The following DET1 variants were observed in gnomAD, a reference collection of about 807,000 sequenced individuals.
The protein encoded by DET1 is DET1 partner of COP1 E3 ubiquitin ligase, also known as DET1 homolog.
DET1 carries 22 observed loss-of-function variants against 43.7 expected under a neutral mutation model. That is an observed-to-expected ratio of 0.50 (90% CI 0.36 to 0.72). The LOEUF (loss-of-function observed/expected upper bound fraction) is 0.72. Among genes scored for constraint, DET1 ranks in the 30% least tolerant of loss-of-function variants. The pLI, the probability that DET1 is intolerant of heterozygous loss-of-function variation, is 0.00. For missense variants in DET1, 713 were observed against 713.3 expected (o/e 1.00, Z 0.00); for synonymous variants, 315 against 266.2 (o/e 1.18, Z -1.79).
chr15:88,518,297 C>T (rs1282339528), intron 3 of DET1, among the ~76,000 whole-genome samples: 3 of 151,964 alleles, frequency 2.0e-5, no homozygotes, highest in African/African-American at 7.3e-5. Context: ...GGAAATTTAC[C>T]CTAAGGAATC....
chr15:88,533,725 G>A (rs762219209), intron 1 of DET1, among the ~76,000 whole-genome samples: 8 of 151,478 alleles, frequency 5.3e-5, no homozygotes, highest in South Asian at 4.2e-4. Context: ...AGTATCAAAC[G>A]TAATCAAATT....
At chr15:88,526,171 CTATCTG>C (rs1274432359) in intron 3 of DET1, among the ~76,000 whole-genome samples, 1 of 152,246 alleles carries the variant, frequency 6.6e-6, no homozygotes, top group Non-Finnish European at 1.5e-5. Context: ...CAATAGCCAT[CTATCTG>C]TAATTGAGTA....
At chr15:88,523,650 G>A (rs934397319) in intron 3 of DET1, among the ~76,000 whole-genome samples, 6 of 152,296 alleles carry the variant, frequency 3.9e-5, no homozygotes, top group South Asian at 2.1e-4. Flanking sequence ...TGTGTTGGCC[G>A]GGCTGGTCTC....
chr15:88,533,757 C>T lies in DET1; in HGVS notation c.-10-2042G>A, dbSNP rs184191322. Among the ~76,000 whole-genome samples the T allele has an allele frequency of 2.6e-4, 39 of 147,682 alleles. No individual in the cohort carries two copies. The East Asian group carries it at 2.8e-3, about 11-fold the overall frequency. On this transcript the variant is annotated intron_variant, in intron 1 of 4. Coordinates refer to ENST00000268148, the MANE Select transcript of DET1 (RefSeq NM_001144074.3). ...AATTTAACAGCCAGGTGCCATAGCA[C>T]ACACCTGTAATCCCAGCTACTTGGG... is the stretch of plus-strand genomic sequence containing the variant.
chr15:88,512,981 G>C lies in DET1; in HGVS notation c.1623C>G (p.Val541=). ...SVQRTNAEYV[V]NFHMRHCCT is the part of the protein sequence containing the mutation. The stretch of plus-strand genomic sequence containing the variant: ...TGCAGCAGTGTCGCATATGGAAGTT[G>C]ACAACATACTCAGCATTAGTCCTCT... The change falls in exon 5 of 5, where the codon GTC becomes GTG. Residue 541 remains valine (V), a synonymous_variant. Transcript: ENST00000268148. 6.2e-7 allele frequency: 1 copy of C among 1,614,038 alleles called. No individual in the cohort carries two copies. Among genetic ancestry groups the C allele is most frequent in the Non-Finnish European group, 8.5e-7 (1 of 1,179,894 alleles).
At chr15:88,511,480 C>A, downstream of DET1, 2 of 985,458 alleles carry the variant, frequency 2.0e-6, no homozygotes, top group Non-Finnish European at 2.4e-6. Context: ...CTCCTTGAAA[C>A]ATCTTCAACT....
Position 88,515,538 on chromosome 15 carries a change from T to TAAAA in DET1, c.1463+1243_1463+1244insTTTT, listed in dbSNP as rs1491544233. On this transcript the variant is annotated intron_variant, in intron 4 of 4. Transcript: ENST00000268148. ...TGGGCAACAGACAGAGACTCCGTCT[T>TAAAA]ATAAAAAAAAAAAAAAAAAAAAAAA... Among the ~76,000 whole-genome samples the TAAAA allele has an allele frequency of 7.0e-3, 334 of 47,472 alleles. 137 individuals are homozygous for TAAAA. The highest frequency in any genetic ancestry group is 8.1e-3 in the Non-Finnish European group (236 of 29,190). 31.1% of individuals were successfully genotyped at this position (47,472 alleles called of 152,430 possible).
chr15:88,536,011 A>T (rs2056939564), intron 1 of DET1, among the ~76,000 whole-genome samples: 1 of 152,200 alleles, frequency 6.6e-6, no homozygotes, highest in Non-Finnish European at 1.5e-5. Flanking sequence ...AAATGGAAAA[A>T]ACTAAAAGAT....
rs1347215103 is a variant in DET1 at position 88,531,929 on chromosome 15, C to T, written c.-10-214G>A. 5.6e-6 allele frequency: 3 copies of T among 534,438 alleles called. No individual in the cohort carries two copies. The highest frequency in any genetic ancestry group is 2.7e-5 in the South Asian group (1 of 37,602). The allele number at this position is 534,438 out of a possible 1,614,324, so 33.1% of individuals were successfully genotyped here. ...AGGTCTAAGGGAAGGATCTAGTTCA[C>T]TAGGAATACCTTCCAAGTATGCTCA... On this transcript the variant is annotated intron_variant, in intron 1 of 4. Transcript: ENST00000268148. This position sits in a 1 kb window ranked among gnomAD's most constrained non-coding sequence, Gnocchi z 6.2.
chr15:88,509,517 A>T (rs55830939), downstream of DET1, among the ~76,000 whole-genome samples: 16,614 of 152,256 alleles, frequency 0.11, 1,482 homozygotes, highest in East Asian at 0.51. Flanking sequence ...AGAGACAGAC[A>T]TGTACAGAGT....
downstream of DET1, among the ~76,000 whole-genome samples, chr15:88,507,976 G>A (rs376910883): frequency 1.2e-4 from 19 of 152,172 alleles, no homozygotes; most frequent in Admixed American, 9.2e-4. Context: ...TCCACCTCCC[G>A]TCAGATTAGC....
chr15:88,535,107 T>A (rs1250680699), intron 1 of DET1, among the ~76,000 whole-genome samples: 1 of 152,174 alleles, frequency 6.6e-6, no homozygotes, highest in African/African-American at 2.4e-5. Context: ...ACAGAAGATA[T>A]TTCTTAAAGA....
At chr15:88,539,106 TC>T in intron 1 of DET1, among the ~76,000 whole-genome samples, 1 of 151,830 alleles carries the variant, frequency 6.6e-6, no homozygotes, top group Non-Finnish European at 1.5e-5. Flanking sequence ...TCTCTCTCTC[TC>T]TCTCTCTCTT....
At chr15:88,511,024 A>G (rs928489799), downstream of DET1, among the ~76,000 whole-genome samples, 2 of 152,052 alleles carry the variant, frequency 1.3e-5, no homozygotes, top group African/African-American at 4.8e-5. Flanking sequence ...CGCCCGCCTC[A>G]GCCTCCCAAA....
chr15:88,510,630 T>C (rs974108604), downstream of DET1, among the ~76,000 whole-genome samples: 3 of 152,162 alleles, frequency 2.0e-5, no homozygotes, highest in African/African-American at 7.2e-5. Flanking sequence ...TTGAGTAAAG[T>C]CCTTAAGATG....
At position 88,516,280 on chromosome 15, in the gene DET1, G is replaced by A. The variant is rs1425728794; in HGVS notation, c.1463+502C>T. Among the ~76,000 whole-genome samples the A allele has an allele frequency of 6.6e-6, 1 of 152,176 alleles. No homozygotes were observed. Among genetic ancestry groups the A allele is most frequent in the Non-Finnish European group, 1.5e-5 (1 of 68,034 alleles). On this transcript the variant is annotated intron_variant, in intron 4 of 4. Transcript: ENST00000268148. The surrounding 1 kb of genome is among the most constrained non-coding windows in gnomAD (Gnocchi z 4.4). ...GACTTCTGTGAGGAAAGAATTTCTT[G>A]TAAGACGTCAGTTTCAAACTTCTAA...
chr15:88,524,123 C>G (rs1183356398), intron 3 of DET1, among the ~76,000 whole-genome samples: 17 of 152,020 alleles, frequency 1.1e-4, no homozygotes, highest in Admixed American at 1.1e-3. Flanking sequence ...TGCCTCTGCC[C>G]GGCCGCCCCG....
chr15:88,531,296 C>G lies in DET1; in HGVS notation c.410G>C (p.Gly137Ala). Reference protein sequence around the residue: ...LLHITNVAANGEHLNRECSLF... With the variant: ...LLHITNVAANAEHLNRECSLF... Reference sequence around the variant, plus strand: ...ACTACACTCCCGGTTCAGGTGCTCACCATTGGCCGCAACATTGGTAATGTG... The same window carrying G: ...ACTACACTCCCGGTTCAGGTGCTCAGCATTGGCCGCAACATTGGTAATGTG... Residue 137 changes from glycine (G) to alanine (A), a missense_variant, in exon 2 of 5, where the codon GGT becomes GCT. Physicochemically the swap from Gly to Ala is moderately conservative, Grantham distance 60 (BLOSUM62 0). Coordinates refer to ENST00000268148, the MANE Select transcript of DET1 (RefSeq NM_001144074.3). This position sits in a 1 kb window ranked among gnomAD's most constrained non-coding sequence, Gnocchi z 6.2. The G allele has an allele frequency of 6.2e-7, 1 of 1,613,966 alleles. No homozygotes were observed. The highest frequency in any genetic ancestry group is 8.5e-7 in the Non-Finnish European group (1 of 1,179,868).
In DET1 at chr15:88,516,879, T is replaced by C; in HGVS notation, c.1366A>G (p.Ser456Gly). 1 of 1,611,814 alleles carries C rather than the reference T, an allele frequency of 6.2e-7. No homozygotes were observed. The highest frequency in any genetic ancestry group is 8.5e-7 in the Non-Finnish European group (1 of 1,178,964). ...GQLPISAQSYSGSPYLDLSLF... is the reference protein window; with the variant it reads ...GQLPISAQSYGGSPYLDLSLF... ...GACAAATCCAGATAGGGGCTACCGCTGTAAGACTGAGCACTGATGGGGAGC... is the reference window on the plus strand; with the variant it reads ...GACAAATCCAGATAGGGGCTACCGCCGTAAGACTGAGCACTGATGGGGAGC... Residue 456 changes from serine to glycine, a missense_variant, in exon 4 of 5, where the codon AGC becomes GGC. Physicochemically the swap from Ser to Gly is moderately conservative, Grantham distance 56. Transcript: ENST00000268148. The surrounding 1 kb of genome is among the most constrained non-coding windows in gnomAD (Gnocchi z 4.4).
Sources: gnomAD v4.1 joint callset for allele counts (sites outside exome capture counted in the v4.1 genomes callset) on GRCh38, gnomAD v4.1.1 for gene constraint, Gnocchi (gnomAD v3.1) non-coding constraint, MANE v1.5 for transcripts, NCBI Gene and HGNC (gene_info 2026-07-23, HGNC 2026-07-21) for gene names.